Variants in FOXJ2 observed in about 807,000 individuals in gnomAD.
FOXJ2 encodes the protein forkhead box protein J2.
Under a neutral mutation model 68.4 loss-of-function variants are expected in FOXJ2, and 18 were observed. The observed-to-expected ratio is 0.26, with a 90% CI of 0.18 to 0.39. The LOEUF is 0.39. FOXJ2 is among the 10% of genes least tolerant of loss of function. FOXJ2 has a pLI of 1.00. For missense variants in FOXJ2, 670 were observed against 726.5 expected (o/e 0.92, Z 0.89); for synonymous variants, 274 against 263.2 (o/e 1.04, Z -0.40).
chr12:8,048,775 G>A lies in FOXJ2; in HGVS notation c.1304G>A (p.Ser435Asn). 1.2e-6 allele frequency: 2 copies of A among 1,613,894 alleles called. No homozygotes were observed. Among genetic ancestry groups the A allele is most frequent in the Middle Eastern group, 1.6e-4 (1 of 6,062 alleles). The change falls in exon 8 of 11, where the codon AGC becomes AAC. Residue 435 changes from serine (S) to asparagine (N), a missense_variant. Transcript: ENST00000162391. ...ATGGTGAATCGGCTCAATTGGTCCAGCATTGAGCAGTCACAATTCTCAGGT... is the reference window on the plus strand; with the variant it reads ...ATGGTGAATCGGCTCAATTGGTCCAACATTGAGCAGTCACAATTCTCAGGT... ...FKMVNRLNWS[S>N]IEQSQFSELM...
At position 8,049,420 on chromosome 12, in the gene FOXJ2, C is replaced by G; in HGVS notation, c.1386C>G (p.His462Gln). Residue 462 changes from histidine to glutamine, a missense_variant, in exon 9 of 11, where the codon CAC (histidine) becomes CAG (glutamine). This residue lies in a region of FOXJ2 where 555 missense variants were observed against 562.2 expected (regional missense o/e 0.99). Transcript: ENST00000162391. ...AGAACTGGACCCTCGACCAGCATCA[C>G]ATTGCCAATCTGTGTGACTCCCTCA... ...EQKNWTLDQH[H>Q]IANLCDSLNH... 6.2e-7 allele frequency: 1 copy of G among 1,614,162 alleles called. No individual in the cohort carries two copies. The highest frequency in any genetic ancestry group is 1.1e-5 in the South Asian group (1 of 91,066).
At chr12:8,043,010 G>A (rs1167062973) in intron 3 of FOXJ2, among the ~76,000 whole-genome samples, 1 of 152,034 alleles carries the variant, frequency 6.6e-6, no homozygotes, top group East Asian at 1.9e-4. Context: ...GAGGTCAGGA[G>A]TTCAAGATCA....
intron 6 of FOXJ2, among the ~76,000 whole-genome samples, chr12:8,047,338 A>G (rs1463985727): frequency 1.3e-5 from 2 of 151,990 alleles, no homozygotes; most frequent in Non-Finnish European, 2.9e-5. Context: ...AGTCTCAGCT[A>G]CTCGGGAGGC....
intron 5 of FOXJ2, among the ~76,000 whole-genome samples, chr12:8,044,443 TGTGCCTATA>T (rs1947007079): frequency 1.3e-5 from 2 of 152,090 alleles, no homozygotes; most frequent in Non-Finnish European, 2.9e-5. Flanking sequence ...CGTGGTGGCA[TGTGCCTATA>T]GTTCCTGCTA....
Position 8,033,130 on chromosome 12 carries a change from T to C in FOXJ2, c.-718T>C. ...CCTGCCTAGAGGCGAGGAAGACCCC[T>C]GTACTGGCCGGGGAGGAGACCCCCA... On this transcript the variant is annotated 5_prime_UTR_variant, in exon 1 of 11. Coordinates refer to ENST00000162391, the MANE Select transcript of FOXJ2 (RefSeq NM_018416.3). The C allele has an allele frequency of 2.8e-6, 1 of 355,856 alleles. No individual in the cohort carries two copies. The highest frequency in any genetic ancestry group is 1.5e-4 in the South Asian group (1 of 6,632). 22.0% of individuals were successfully genotyped at this position (355,856 alleles called of 1,614,324 possible).
rs779513348 is a variant in FOXJ2 at position 8,047,999 on chromosome 12, C to T, written c.935C>T (p.Pro312Leu). The change falls in exon 7 of 11, where the codon CCC (proline) becomes CTC (leucine). Residue 312 changes from proline to leucine, a missense_variant. Pro to Leu is a moderately conservative substitution (Grantham distance 98). Around this residue, in one of 2 missense-constraint regions of FOXJ2, gnomAD observed 555 missense variants for 562.2 expected, o/e 0.99. Transcript: ENST00000162391. ...QQQQQPPQPP[P>L]QQSQPQQQQA... ...CAGCAGCAGCCGCCACAGCCACCTC[C>T]CCAGCAGTCCCAGCCACAGCAGCAG... 5 of 1,613,972 alleles carry T rather than the reference C, an allele frequency of 3.1e-6. 1 individual carries two copies. The South Asian group carries it at 5.5e-5, about 18-fold the overall frequency.
At position 8,039,987 on chromosome 12, in the gene FOXJ2, C is replaced by T. The variant is rs1456434064; in HGVS notation, c.155C>T (p.Ala52Val). 1.9e-6 allele frequency: 3 copies of T among 1,613,982 alleles called. No individual in the cohort carries two copies. Among genetic ancestry groups the T allele is most frequent in the African/African-American group, 2.7e-5 (2 of 74,880 alleles). The change falls in exon 2 of 11, where the codon GCC becomes GTC. Residue 52 changes from alanine to valine, a missense_variant. Ala to Val is a moderately conservative substitution (Grantham distance 64). This residue lies in a region of FOXJ2 where 115 missense variants were observed against 164.3 expected (regional missense o/e 0.70). Transcript: ENST00000162391. ...CCAGGGTCACCCACAGATCCTAATGCCACCCTGAGCAAAGACGAGGCAGCA... is the reference window on the plus strand; with the variant it reads ...CCAGGGTCACCCACAGATCCTAATGTCACCCTGAGCAAAGACGAGGCAGCA... The part of the protein sequence containing the change: ...CSPGSPTDPN[A>V]TLSKDEAAVH...
chr12:8,049,252 G>A (rs1042870095), intron 8 of FOXJ2, 110 bp from the exon 9 acceptor site: 12 of 786,896 alleles, frequency 1.5e-5, no homozygotes, highest in African/African-American at 1.2e-4. Context: ...GTTAGTGCCC[G>A]TTATCAGTGG....
intron 6 of FOXJ2, among the ~76,000 whole-genome samples, chr12:8,046,957 C>T (rs1947045535): frequency 6.6e-6 from 1 of 152,106 alleles, no homozygotes; most frequent in Admixed American, 6.6e-5. Flanking sequence ...GAGAAACTGT[C>T]AGAAATAAAG....
At chr12:8,034,206 T>C (rs1421645531) in intron 1 of FOXJ2, among the ~76,000 whole-genome samples, 1 of 152,180 alleles carries the variant, frequency 6.6e-6, no homozygotes, top group South Asian at 2.1e-4. Context: ...CCTTCACCCT[T>C]GGGCCTTTTC....
chr12:8,039,782 C>A (rs368273372), intron 1 of FOXJ2, 37 bp from the exon 2 acceptor site: 2 of 1,518,288 alleles, frequency 1.3e-6, no homozygotes, highest in East Asian at 2.3e-5. Context: ...TATTACTTGC[C>A]CCCAGTATTT....
rs958508088 is a variant in FOXJ2, at chr12:8,032,744, G to A, written c.-1104G>A. 9.1e-5 allele frequency: 36 copies of A among 396,234 alleles called. No homozygotes were observed. The highest frequency in any genetic ancestry group is 7.0e-4 in the African/African-American group (34 of 48,456). The allele number at this position is 396,234 out of a possible 1,614,324, so 24.5% of individuals were successfully genotyped here. A position where few individuals can be genotyped will look rare whatever the true frequency, so the allele number is the denominator to read the frequency against. On this transcript the variant is annotated 5_prime_UTR_variant, in exon 1 of 11. Coordinates refer to ENST00000162391, the MANE Select transcript of FOXJ2 (RefSeq NM_018416.3). The surrounding 1 kb of genome is among the most constrained non-coding windows in gnomAD (Gnocchi z 4.8). ...GCGGAGCCGAGCCGAGCCCGAGCCCGCGCCGAGCCCTGACACTGTCTGCCC... is the reference window on the plus strand; with the variant it reads ...GCGGAGCCGAGCCGAGCCCGAGCCCACGCCGAGCCCTGACACTGTCTGCCC...
Position 8,053,921 on chromosome 12 carries a change from A to G in FOXJ2, c.*1071A>G, listed in dbSNP as rs887818227. On this transcript the variant is annotated 3_prime_UTR_variant, in exon 11 of 11. Coordinates refer to ENST00000162391, the MANE Select transcript of FOXJ2 (RefSeq NM_018416.3). This position sits in a 1 kb window ranked among gnomAD's most constrained non-coding sequence, Gnocchi z 4.1. ...ATTCTCAAGAAAGAAAAAGTAACCC[A>G]TTATCACTCTGAGTTTCGTCGTGCC... 2 of 152,036 alleles carry G rather than the reference A, an allele frequency of 1.3e-5. No individual in the cohort carries two copies. Among genetic ancestry groups the G allele is most frequent in the Non-Finnish European group, 2.9e-5 (2 of 67,996 alleles). 9.4% of individuals were successfully genotyped at this position (152,036 alleles called of 1,614,324 possible).
chr12:8,042,511 C>T (rs1591577367), intron 2 of FOXJ2, 147 bp from the exon 3 acceptor site: 2 of 570,080 alleles, frequency 3.5e-6, no homozygotes, highest in South Asian at 4.7e-5. Flanking sequence ...TAATTCCCTC[C>T]ATCGGTGTAG....
intron 6 of FOXJ2, among the ~76,000 whole-genome samples, chr12:8,045,565 T>G (rs1009334649): frequency 6.0e-4 from 91 of 152,360 alleles, no homozygotes; most frequent in African/African-American, 1.7e-3. Context: ...TTGGCTGGGC[T>G]GGTCTCGAAC....
In FOXJ2 at chr12:8,052,840, T is replaced by G; in HGVS notation, c.1715T>G (p.Leu572Trp). 1 of 1,605,140 alleles carries G rather than the reference T, an allele frequency of 6.2e-7. No homozygotes were observed. The highest frequency in any genetic ancestry group is 8.5e-7 in the Non-Finnish European group (1 of 1,174,560). The change falls in exon 11 of 11, where the codon TTG becomes TGG. Residue 572 changes from leucine (L) to tryptophan (W), a missense_variant. Physicochemically the swap from Leu to Trp is moderately conservative, Grantham distance 61. Coordinates refer to ENST00000162391, the MANE Select transcript of FOXJ2 (RefSeq NM_018416.3). ...ATCCCTGATGACTTCGACTGGGACT[T>G]GATCACTTAGTGCATCACAGAGTGT... is the stretch of plus-strand genomic sequence containing the variant. The part of the protein sequence containing the change: ...EEIPDDFDWD[L>W]IT
chr12:8,046,038 AG>A (rs1947032961), intron 6 of FOXJ2, among the ~76,000 whole-genome samples: 1 of 152,228 alleles, frequency 6.6e-6, no homozygotes, highest in Non-Finnish European at 1.5e-5. Flanking sequence ...TTTGGAGTCA[AG>A]TGAGCTCATC....
chr12:8,053,382 TA>T lies in FOXJ2; in HGVS notation c.*536del, dbSNP rs1947150643. 1.3e-5 allele frequency: 2 copies of T among 152,776 alleles called. No individual in the cohort carries two copies. The highest frequency in any genetic ancestry group is 4.1e-4 in the South Asian group (2 of 4,822). 9.5% of individuals were successfully genotyped at this position (152,776 alleles called of 1,614,324 possible). ...TTGGCAGCCAAGAATTTGGAGGTTTTAAAATGGTGCTAATTCTGTCCTCTGA... is the reference window on the plus strand; with the variant it reads ...TTGGCAGCCAAGAATTTGGAGGTTTTAAATGGTGCTAATTCTGTCCTCTGA... On this transcript the variant is annotated 3_prime_UTR_variant, in exon 11 of 11. Coordinates refer to ENST00000162391, the MANE Select transcript of FOXJ2 (RefSeq NM_018416.3). The surrounding 1 kb of genome is among the most constrained non-coding windows in gnomAD (Gnocchi z 4.1).
Position 8,044,757 on chromosome 12 carries a change from C to A in FOXJ2, c.619-3C>A, listed in dbSNP as rs759958029. 6.2e-7 allele frequency: 1 copy of A among 1,613,304 alleles called. No homozygotes were observed. Among genetic ancestry groups the A allele is most frequent in the East Asian group, 2.2e-5 (1 of 44,874 alleles). On this transcript the variant is annotated splice_polypyrimidine_tract_variant and splice_region_variant and intron_variant, in intron 5 of 10. Coordinates refer to ENST00000162391, the MANE Select transcript of FOXJ2 (RefSeq NM_018416.3). Reference sequence around the variant, plus strand: ...ATCAGGAATTTCTTACCTGTTTTTGCAGGGCACAGGATCTGTGGATGGTGG... The same window carrying A: ...ATCAGGAATTTCTTACCTGTTTTTGAAGGGCACAGGATCTGTGGATGGTGG...
Sources: gnomAD v4.1 joint callset for allele counts (sites outside exome capture counted in the v4.1 genomes callset) on GRCh38, gnomAD v4.1.1 for gene constraint, gnomAD v4.1.1 regional missense constraint, Gnocchi (gnomAD v3.1) non-coding constraint, MANE v1.5 for transcripts, NCBI Gene and HGNC (gene_info 2026-07-23, HGNC 2026-07-21) for gene names.